Variants in CYFIP1 observed in about 807,000 individuals in gnomAD.
CYFIP1 encodes the protein cytoplasmic FMR1-interacting protein 1.
Under a neutral mutation model 163.5 loss-of-function variants are expected in CYFIP1, and 58 were observed. The observed-to-expected ratio is 0.35, with a 90% CI of 0.29 to 0.44. The LOEUF is 0.44. Among genes scored for constraint, CYFIP1 ranks in the 20% least tolerant of loss-of-function variants. The pLI is 1.00. For synonymous variants in CYFIP1, 663 were observed against 660.7 expected (o/e 1.00, Z -0.05); for missense variants, 1,338 against 1,653.8 (o/e 0.81, Z 3.31).
intron 1 of CYFIP1, among the ~76,000 whole-genome samples, chr15:22,963,304 A>G (rs897520810): frequency 1.5e-4 from 23 of 152,068 alleles, no homozygotes; most frequent in African/African-American, 4.8e-4. Flanking sequence ...CAGCCTGACC[A>G]ATATGGAGAA....
intron 4 of CYFIP1, 69 bp downstream of exon 4, chr15:22,944,793 G>A: frequency 1.0e-5 from 16 of 1,550,232 alleles, no homozygotes; most frequent in Non-Finnish European, 1.4e-5. Flanking sequence ...CATGGCAGGG[G>A]CAGGGGTGTG....
Position 22,917,131 on chromosome 15 carries a change from G to C in CYFIP1, c.1675-501C>G, listed in dbSNP as rs1222296818. ...CGGGACGCACGCAGAGGGAGGCAGGGAGGGTGGCTGGCACCACGCACAGGC... is the reference window on the plus strand; with the variant it reads ...CGGGACGCACGCAGAGGGAGGCAGGCAGGGTGGCTGGCACCACGCACAGGC... On this transcript the variant is annotated intron_variant, in intron 15 of 30. Transcript: ENST00000617928. The surrounding 1 kb of genome is among the most constrained non-coding windows in gnomAD (Gnocchi z 4.2). 6.9e-5 allele frequency: 100 copies of C among 1,445,056 alleles called. 1 individual carries two copies. The highest frequency in any genetic ancestry group is 8.9e-5 in the Non-Finnish European group (98 of 1,105,382). 89.5% of individuals were successfully genotyped at this position (1,445,056 alleles called of 1,614,324 possible).
intron 21 of CYFIP1, among the ~76,000 whole-genome samples, chr15:22,906,055 G>A (rs1286106819): frequency 4.0e-5 from 6 of 151,536 alleles, no homozygotes; most frequent in African/African-American, 1.2e-4. Context: ...CACTGTGCCC[G>A]GCCTTTTCTC....
chr15:22,941,825 A>C (rs1044186659), intron 6 of CYFIP1, among the ~76,000 whole-genome samples: 19 of 152,130 alleles, frequency 1.2e-4, no homozygotes, highest in Admixed American at 3.3e-4. Flanking sequence ...AAAAACAACA[A>C]CACACACACA....
At chr15:22,939,158 G>A (rs1447708582) in intron 8 of CYFIP1, 34 bp downstream of exon 8, 2 of 1,613,386 alleles carry the variant, frequency 1.2e-6, no homozygotes, top group Admixed American at 3.3e-5. Flanking sequence ...CTGTCCCTCG[G>A]CAGTGCCACG....
intron 1 of CYFIP1, among the ~76,000 whole-genome samples, 178 bp downstream of exon 1, chr15:22,980,109 G>A (rs1473153514): frequency 2.7e-5 from 4 of 148,778 alleles, no homozygotes; most frequent in East Asian, 4.1e-4. Flanking sequence ...GGACCTGGGG[G>A]ACGCGGGGAC....
chr15:22,966,917 A>G (rs544340332), intron 1 of CYFIP1, among the ~76,000 whole-genome samples: 1 of 152,200 alleles, frequency 6.6e-6, no homozygotes, highest in South Asian at 2.1e-4. Context: ...CAGAACAGAC[A>G]GCTTTACGTT....
chr15:22,907,416 C>A (rs955376201), intron 21 of CYFIP1, among the ~76,000 whole-genome samples: 1 of 152,128 alleles, frequency 6.6e-6, no homozygotes, highest in Non-Finnish European at 1.5e-5. Flanking sequence ...GATCGGCCTT[C>A]GGAAGTCTCA....
intron 26 of CYFIP1, among the ~76,000 whole-genome samples, chr15:22,876,150 G>T (rs1037194798): frequency 1.3e-5 from 2 of 151,916 alleles, no homozygotes; most frequent in Non-Finnish European, 2.9e-5. Context: ...TAAAAGAAAT[G>T]ATTAAACAAA....
intron 1 of CYFIP1, among the ~76,000 whole-genome samples, chr15:22,959,176 G>T (rs1353646203): frequency 6.6e-6 from 1 of 152,340 alleles, no homozygotes; most frequent in South Asian, 2.1e-4. Context: ...GGGAGGGGCT[G>T]TTTCTTTCCC....
chr15:22,951,525 C>A, intron 1 of CYFIP1: 1 of 1,287,974 alleles, frequency 7.8e-7, no homozygotes, highest in Non-Finnish European at 1.0e-6. Context: ...CCCATAGGGG[C>A]TGCCCGTGTC....
intron 12 of CYFIP1, 22 bp downstream of exon 12, chr15:22,927,884 T>A (rs764175065): frequency 6.3e-7 from 1 of 1,585,832 alleles, no homozygotes; most frequent in East Asian, 2.3e-5. Flanking sequence ...GGAGCGGGGC[T>A]GGGGTCGGGG....
Position 22,903,905 on chromosome 15 carries a change from C to T in CYFIP1, c.2389G>A (p.Glu797Lys). 1 of 1,613,782 alleles carries T rather than the reference C, an allele frequency of 6.2e-7. No homozygotes were observed. The highest frequency in any genetic ancestry group is 8.5e-7 in the Non-Finnish European group (1 of 1,179,890). Residue 797 changes from glutamate to lysine, a missense_variant and splice_region_variant, in exon 22 of 31, where the codon GAG becomes AAG. Physicochemically the swap from Glu to Lys is moderately conservative, Grantham distance 56. This residue lies in a region of CYFIP1 where 824 missense variants were observed against 995.7 expected (regional missense o/e 0.83). Coordinates refer to ENST00000617928, the MANE Select transcript of CYFIP1 (RefSeq NM_014608.6). ...FESEDLTSIV[E>K]LDGLLEINRM... is the part of the protein sequence containing the mutation. ...TTGATTTCCAACAGGCCATCCAGCT[C>T]CTGTGGCACCAAAGACAGGGGTGGG...
At chr15:22,901,996 T>A (rs930886030) in intron 22 of CYFIP1, among the ~76,000 whole-genome samples, 2 of 152,184 alleles carry the variant, frequency 1.3e-5, no homozygotes, top group African/African-American at 4.8e-5. Flanking sequence ...TCCCTGTGAA[T>A]CACACCTCAA....
intron 12 of CYFIP1, 117 bp downstream of exon 12, chr15:22,927,789 G>C: frequency 1.0e-6 from 1 of 1,000,790 alleles, no homozygotes; most frequent in Non-Finnish European, 1.4e-6. Flanking sequence ...CATATCTACT[G>C]ATAGATATTC....
At chr15:22,909,906 T>G (rs909668428) in intron 20 of CYFIP1, among the ~76,000 whole-genome samples, 2 of 152,170 alleles carry the variant, frequency 1.3e-5, no homozygotes, top group African/African-American at 4.8e-5. Context: ...TACTCTGAGC[T>G]GATGAGTGCT....
chr15:22,883,771 C>T (rs567395089), intron 23 of CYFIP1, among the ~76,000 whole-genome samples: 9 of 143,298 alleles, frequency 6.3e-5, no homozygotes, highest in Non-Finnish European at 1.0e-4. Flanking sequence ...GAGCCGAGAT[C>T]GCGCCACTGC....
chr15:22,978,758 G>C (rs746017100), intron 1 of CYFIP1, among the ~76,000 whole-genome samples: 1 of 152,048 alleles, frequency 6.6e-6, no homozygotes, highest in Non-Finnish European at 1.5e-5. Context: ...GGACAAACCA[G>C]AGCATAGCTG....
intron 18 of CYFIP1, among the ~76,000 whole-genome samples, chr15:22,911,299 A>G (rs970691732): frequency 6.6e-6 from 1 of 152,156 alleles, no homozygotes; most frequent in Non-Finnish European, 1.5e-5. Context: ...GCTAGAACCA[A>G]TCTTACTGAG....
Sources: gnomAD v4.1 joint callset for allele counts (sites outside exome capture counted in the v4.1 genomes callset) on GRCh38, gnomAD v4.1.1 for gene constraint, gnomAD v4.1.1 regional missense constraint, Gnocchi (gnomAD v3.1) non-coding constraint, MANE v1.5 for transcripts, NCBI Gene and HGNC (gene_info 2026-07-23, HGNC 2026-07-21) for gene names.